The following PAK5 variants were observed in gnomAD, a reference collection of about 807,000 sequenced individuals.
PAK5 encodes the protein p21 (RAC1) activated kinase 5.
A neutral mutation model predicts 65.9 loss-of-function variants in PAK5; 16 were observed. That is an observed-to-expected ratio of 0.24 (90% CI 0.16 to 0.37). The LOEUF is 0.37. PAK5 is among the 10% of genes least tolerant of loss of function. The pLI is 1.00. For missense variants in PAK5, 785 were observed against 903.9 expected (o/e 0.87, Z 1.69); for synonymous variants, 371 against 354.9 (o/e 1.05, Z -0.51).
intron 2 of PAK5, among the ~76,000 whole-genome samples, chr20:9,670,726 C>T (rs1228793304): frequency 6.6e-6 from 1 of 152,164 alleles, no homozygotes; most frequent in Non-Finnish European, 1.5e-5. Flanking sequence ...TGTAGGTTGC[C>T]TGTTCACTCT....
At chr20:9,695,487 G>A (rs1050167008) in intron 2 of PAK5, among the ~76,000 whole-genome samples, 7 of 151,836 alleles carry the variant, frequency 4.6e-5, no homozygotes, top group African/African-American at 1.7e-4. Context: ...ATCTGAAATC[G>A]ATCTATGTGT....
intron 3 of PAK5, among the ~76,000 whole-genome samples, chr20:9,630,936 G>A (rs191253554): frequency 2.4e-4 from 37 of 152,212 alleles, no homozygotes; most frequent in Admixed American, 5.2e-4. Context: ...ACAGGCTGGG[G>A]GCATATAATT....
At chr20:9,641,707 C>T (rs1345224708) in intron 3 of PAK5, among the ~76,000 whole-genome samples, 32 of 152,148 alleles carry the variant, frequency 2.1e-4, no homozygotes, top group Admixed American at 5.2e-4. Context: ...TCAGGCATGG[C>T]GGGCTGCAGG....
At chr20:9,599,095 C>A (rs573424688) in intron 3 of PAK5, among the ~76,000 whole-genome samples, 3 of 152,182 alleles carry the variant, frequency 2.0e-5, no homozygotes, top group Non-Finnish European at 4.4e-5. Flanking sequence ...TATCTAGCTT[C>A]CCCATATAAG....
In PAK5 at chr20:9,636,146, G is replaced by A. The variant is rs116545831; in HGVS notation, c.204+7979C>T. 7.3e-3 allele frequency among the ~76,000 whole-genome samples: 1,111 copies of A among 152,252 alleles called. 11 individuals carry two copies. Among genetic ancestry groups the A allele is most frequent in the African/African-American group, 0.025 (1,047 of 41,556 alleles). On this transcript the variant is annotated intron_variant, in intron 3 of 9. Coordinates refer to ENST00000353224, the MANE Select transcript of PAK5 (RefSeq NM_177990.4). ...CTAGAAAATGTCAGATAGTTGCCCT[G>A]TATTTTGGGAAAGCAGATTTTTAAA...
intron 1 of PAK5, among the ~76,000 whole-genome samples, chr20:9,790,274 TA>T (rs1304194091): frequency 6.6e-6 from 1 of 152,100 alleles, no homozygotes; most frequent in Non-Finnish European, 1.5e-5. Context: ...AATTAAGGTA[TA>T]GCATCTTATG....
chr20:9,735,176 A>T (rs1467791554), intron 1 of PAK5, among the ~76,000 whole-genome samples: 5 of 152,158 alleles, frequency 3.3e-5, no homozygotes, highest in Non-Finnish European at 5.9e-5. Flanking sequence ...CCAGGAAAAG[A>T]TCAGTTCCCT....
At chr20:9,789,316 T>C (rs1258309306) in intron 1 of PAK5, among the ~76,000 whole-genome samples, 3 of 152,190 alleles carry the variant, frequency 2.0e-5, no homozygotes, top group African/African-American at 7.2e-5. Context: ...TGAATTTTTC[T>C]TGGGGACAGA....
intron 3 of PAK5, among the ~76,000 whole-genome samples, chr20:9,608,419 C>T (rs532073660): frequency 2.6e-4 from 39 of 152,304 alleles, no homozygotes; most frequent in Admixed American, 3.9e-4. Context: ...AGGACTCCAG[C>T]GCTTGGAGGA....
chr20:9,653,634 C>A (rs563369712), intron 2 of PAK5, among the ~76,000 whole-genome samples: 8 of 152,364 alleles, frequency 5.3e-5, no homozygotes, highest in African/African-American at 1.9e-4. Flanking sequence ...TTCTGCTCCC[C>A]AGATGTCTAC....
At chr20:9,665,855 A>C (rs7361204) in intron 2 of PAK5, among the ~76,000 whole-genome samples, 1 of 151,784 alleles carries the variant, frequency 6.6e-6, no homozygotes, top group Non-Finnish European at 1.5e-5. Context: ...TTTCCTTCCC[A>C]CTGCTTAGAA....
chr20:9,755,142 A>G (rs1380923048), intron 1 of PAK5, among the ~76,000 whole-genome samples: 1 of 152,202 alleles, frequency 6.6e-6, no homozygotes, highest in Non-Finnish European at 1.5e-5. Flanking sequence ...TTATTATGTA[A>G]TAAAACACTC....
At chr20:9,744,900 T>A (rs1005574365) in intron 1 of PAK5, among the ~76,000 whole-genome samples, 1 of 152,204 alleles carries the variant, frequency 6.6e-6, no homozygotes, top group African/African-American at 2.4e-5. Context: ...TCAGCTCATT[T>A]TAACTATACT....
chr20:9,660,568 A>G (rs1207168748), intron 2 of PAK5, among the ~76,000 whole-genome samples: 1 of 152,112 alleles, frequency 6.6e-6, no homozygotes, highest in African/African-American at 2.4e-5. Context: ...GAAAAAAATA[A>G]AAGCAGAAAA....
chr20:9,761,228 A>G (rs2423467), intron 1 of PAK5, among the ~76,000 whole-genome samples: 59,570 of 151,868 alleles, frequency 0.39, 12,311 homozygotes, highest in East Asian at 0.57. Context: ...TATTAACTGA[A>G]TGTGCAATCC....
At chr20:9,608,777 T>C (rs114529990) in intron 3 of PAK5, among the ~76,000 whole-genome samples, 6 of 152,354 alleles carry the variant, frequency 3.9e-5, no homozygotes, top group African/African-American at 1.4e-4. Flanking sequence ...TTAAATGTGC[T>C]TTACTAGACA....
In PAK5 at chr20:9,539,114, G is replaced by C; in HGVS notation, c.*348C>G. The C allele has an allele frequency of 4.7e-6, 1 of 214,010 alleles. No individual in the cohort carries two copies. The highest frequency in any genetic ancestry group is 6.8e-5 in the East Asian group (1 of 14,614). The allele number at this position is 214,010 out of a possible 1,614,324, so 13.3% of individuals were successfully genotyped here. A position where few individuals can be genotyped will look rare whatever the true frequency, so the allele number is the denominator to read the frequency against. On this transcript the variant is annotated 3_prime_UTR_variant, in exon 10 of 10. Transcript: ENST00000353224. ...TTTTTTTTTTTTTTTTGCCAGAAAA[G>C]TATTCTTTCAATATAGAAAATCCTA...
intron 1 of PAK5, among the ~76,000 whole-genome samples, chr20:9,797,265 T>C (rs1427823883): frequency 6.6e-6 from 1 of 152,022 alleles, no homozygotes; most frequent in Admixed American, 6.6e-5. Flanking sequence ...AATTTGTTTG[T>C]GTTCTTTGTA....
chr20:9,739,387 T>G (rs1373152473), intron 1 of PAK5, among the ~76,000 whole-genome samples: 3 of 152,238 alleles, frequency 2.0e-5, no homozygotes, highest in East Asian at 1.9e-4. Context: ...GAAACTTGCA[T>G]GCATTTGGAG....
Sources: gnomAD v4.1 joint callset for allele counts (sites outside exome capture counted in the v4.1 genomes callset) on GRCh38, gnomAD v4.1.1 for gene constraint, MANE v1.5 for transcripts, NCBI Gene and HGNC (gene_info 2026-07-23, HGNC 2026-07-21) for gene names.